The following CNTN5 variants were observed in gnomAD, a reference collection of about 807,000 sequenced individuals.
CNTN5 encodes contactin-5.
In CNTN5, 77 loss-of-function variants were observed where a neutral mutation model predicts 129.1. The ratio of observed to expected loss-of-function variants is 0.60; its 90% CI spans 0.50 to 0.72. The LOEUF (loss-of-function observed/expected upper bound fraction) is 0.72, where lower values mean the gene tolerates loss of function less well. Among genes scored for constraint, CNTN5 ranks in the 30% least tolerant of loss-of-function variants. The pLI, the probability that CNTN5 is intolerant of heterozygous loss-of-function variation, is 0.00. For missense variants in CNTN5, 1,478 were observed against 1,328.8 expected, an observed-to-expected ratio of 1.11 and a Z score of -1.75; for synonymous variants, 509 against 465.6, an observed-to-expected ratio of 1.09 and a Z score of -1.20.
chr11:99,088,652 A>G lies in CNTN5; in HGVS notation c.-210+67382A>G, dbSNP rs918296026. Among the ~76,000 whole-genome samples, 6 of 152,272 alleles carry G rather than the reference A, an allele frequency of 3.9e-5. No individual in the cohort carries two copies. In the East Asian group the frequency reaches 7.7e-4, roughly 20 times the overall value. ...CCTCCCAATAAAGAGTGGCAAACGC[A>G]TATGTTATGTAAGACCTGTACATTA... On this transcript the variant is annotated intron_variant, in intron 1 of 24. Transcript: ENST00000524871.
At chr11:99,990,841 T>C (rs1939036241) in intron 8 of CNTN5, among the ~76,000 whole-genome samples, 1 of 152,180 alleles carries the variant, frequency 6.6e-6, no homozygotes, top group Non-Finnish European at 1.5e-5. Context: ...AAATAATATA[T>C]AATCTAACGT....
At chr11:99,819,389 A>G (rs2011416044) in intron 3 of CNTN5, 155 bp from the exon 4 acceptor site, 5 of 584,792 alleles carry the variant, frequency 8.6e-6, no homozygotes, top group Admixed American at 3.7e-5. Context: ...TAAAAAATAT[A>G]AAAGTAACAT....
chr11:99,674,721 A>G (rs1221820266), intron 3 of CNTN5, among the ~76,000 whole-genome samples: 7 of 152,168 alleles, frequency 4.6e-5, no homozygotes, highest in African/African-American at 1.7e-4. Flanking sequence ...CCCACAAAAA[A>G]TCCCTTCTTT....
At chr11:99,256,341 T>C (rs770657954) in intron 1 of CNTN5, among the ~76,000 whole-genome samples, 43 of 152,026 alleles carry the variant, frequency 2.8e-4, no homozygotes, top group Non-Finnish European at 3.4e-4. Context: ...GAGAAATGAG[T>C]GTTCCTTTGA....
chr11:99,450,678 C>T (rs897703171), intron 2 of CNTN5, among the ~76,000 whole-genome samples: 2 of 151,964 alleles, frequency 1.3e-5, no homozygotes, highest in African/African-American at 4.8e-5. Flanking sequence ...CATCTCCATC[C>T]CCTGGTCATC....
At chr11:100,188,867 G>A (rs1948384195) in intron 13 of CNTN5, among the ~76,000 whole-genome samples, 1 of 152,068 alleles carries the variant, frequency 6.6e-6, no homozygotes, top group Non-Finnish European at 1.5e-5. Flanking sequence ...AGAAAATGTG[G>A]TACATACACA....
chr11:99,629,088 A>G (rs1951242459), intron 3 of CNTN5, among the ~76,000 whole-genome samples: 1 of 152,026 alleles, frequency 6.6e-6, no homozygotes, highest in Non-Finnish European at 1.5e-5. Flanking sequence ...AAAACAATAA[A>G]TATGTTGGGT....
At chr11:99,677,227 A>G (rs1953326780) in intron 3 of CNTN5, among the ~76,000 whole-genome samples, 2 of 152,154 alleles carry the variant, frequency 1.3e-5, no homozygotes. Context: ...AGACAGGAGA[A>G]AATAATGTAT....
intron 8 of CNTN5, among the ~76,000 whole-genome samples, chr11:99,991,203 C>T (rs775055182): frequency 1.3e-5 from 2 of 152,106 alleles, no homozygotes; most frequent in Non-Finnish European, 2.9e-5. Flanking sequence ...CGTGGTGGCT[C>T]ACGCCTGTAA....
intron 1 of CNTN5, among the ~76,000 whole-genome samples, chr11:99,207,241 C>T (rs1436994646): frequency 6.6e-6 from 1 of 152,094 alleles, no homozygotes; most frequent in Admixed American, 6.6e-5. Flanking sequence ...CAATACTGTA[C>T]AGGACGCATC....
intron 1 of CNTN5, among the ~76,000 whole-genome samples, chr11:99,080,332 A>T (rs72984318): frequency 0.016 from 2,417 of 152,298 alleles, 41 homozygotes; most frequent in Middle Eastern, 0.041. Flanking sequence ...TTCATCTGTT[A>T]TGAGGTTCCT....
chr11:99,112,617 A>G (rs1391325806), intron 1 of CNTN5, among the ~76,000 whole-genome samples: 1 of 151,998 alleles, frequency 6.6e-6, no homozygotes, highest in Non-Finnish European at 1.5e-5. Flanking sequence ...AAATCCATGA[A>G]TGATATTAAG....
chr11:99,728,898 G>C lies in CNTN5; in HGVS notation c.56-90646G>C, dbSNP rs17134268. 9.1e-3 allele frequency among the ~76,000 whole-genome samples: 1,392 copies of C among 152,268 alleles called. 23 individuals carry two copies. The highest frequency in any genetic ancestry group is 0.031 in the African/African-American group (1,299 of 41,550). On this transcript the variant is annotated intron_variant, in intron 3 of 24. Coordinates refer to ENST00000524871, the MANE Select transcript of CNTN5 (RefSeq NM_014361.4). ...GCTAACCTCATAACTTAGGAACACA[G>C]GTTAAGGAGCATCCAGGTATGTTGT...
At chr11:99,038,225 G>T (rs535725527) in intron 1 of CNTN5, among the ~76,000 whole-genome samples, 1 of 151,776 alleles carries the variant, frequency 6.6e-6, no homozygotes, top group Non-Finnish European at 1.5e-5. Context: ...TTCCCTAATT[G>T]GAATCAAGAT....
intron 1 of CNTN5, among the ~76,000 whole-genome samples, chr11:99,222,356 G>A (rs1416946936): frequency 1.3e-5 from 2 of 151,670 alleles, no homozygotes; most frequent in African/African-American, 4.8e-5. Context: ...AATGGGGGTT[G>A]GGGGGACAGG....
At chr11:99,401,899 G>A (rs1049666910) in intron 2 of CNTN5, among the ~76,000 whole-genome samples, 3 of 151,728 alleles carry the variant, frequency 2.0e-5, no homozygotes, top group Non-Finnish European at 4.4e-5. Context: ...AAATTCTATT[G>A]ATTTTTGTAT....
chr11:100,236,748 T>G (rs896719340), intron 16 of CNTN5, among the ~76,000 whole-genome samples: 1 of 152,150 alleles, frequency 6.6e-6, no homozygotes, highest in Non-Finnish European at 1.5e-5. Context: ...TGCAGAGCCT[T>G]CTGGCCTTTC....
chr11:100,044,641 C>T (rs1170938678), intron 9 of CNTN5, among the ~76,000 whole-genome samples: 1 of 151,352 alleles, frequency 6.6e-6, no homozygotes, highest in East Asian at 1.9e-4. Context: ...TGAAAAATGT[C>T]TATGCATATT....
intron 1 of CNTN5, among the ~76,000 whole-genome samples, chr11:99,211,036 C>T (rs1410474658): frequency 6.6e-6 from 1 of 152,090 alleles, no homozygotes; most frequent in Non-Finnish European, 1.5e-5. Context: ...TCTTTAGTTT[C>T]ATTTTAATTC....
Sources: gnomAD v4.1 joint callset for allele counts (sites outside exome capture counted in the v4.1 genomes callset) on GRCh38, gnomAD v4.1.1 for gene constraint, MANE v1.5 for transcripts, NCBI Gene and HGNC (gene_info 2026-07-23, HGNC 2026-07-21) for gene names.